Variants in RBFOX1 observed in about 807,000 individuals in gnomAD.
RBFOX1 encodes the protein RNA binding fox-1 homolog 1.
Under a neutral mutation model 57.7 loss-of-function variants are expected in RBFOX1, and 8 were observed. The observed-to-expected ratio is 0.14, with a 90% CI of 0.08 to 0.25. The LOEUF is 0.25. Among genes scored for constraint, RBFOX1 ranks in the 10% least tolerant of loss-of-function variants. The pLI is 1.00. For missense variants in RBFOX1, 611 were observed against 548.5 expected, an observed-to-expected ratio of 1.11 and a Z score of -1.14; for synonymous variants, 326 against 222.4, an observed-to-expected ratio of 1.47 and a Z score of -4.15.
At chr16:7,678,908 G>A (rs2074059286) in intron 14 of RBFOX1, among the ~76,000 whole-genome samples, 1 of 152,110 alleles carries the variant, frequency 6.6e-6, no homozygotes, top group South Asian at 2.1e-4. Flanking sequence ...TCCAACTTTA[G>A]TACCATAGTT....
chr16:6,499,692 C>G (rs1414650889), intron 2 of RBFOX1, among the ~76,000 whole-genome samples: 4 of 151,788 alleles, frequency 2.6e-5, no homozygotes, highest in African/African-American at 9.7e-5. Context: ...CCCCAGAGTC[C>G]TATGTTGGCT....
chr16:6,908,524 T>G (rs181165835), intron 3 of RBFOX1, among the ~76,000 whole-genome samples: 1 of 152,304 alleles, frequency 6.6e-6, no homozygotes, highest in East Asian at 1.9e-4. Context: ...ACAACTCACT[T>G]ATCAGGTTCA....
chr16:7,486,720 C>CTTG lies in RBFOX1; in HGVS notation c.28-31427_28-31426insTTG, dbSNP rs1255518270. The stretch of plus-strand genomic sequence containing the variant: ...CCATTTTGGAGCAGATGCTAAGAAG[C>CTTG]AAGTCATTCAGCTGAGGTCTAGGGG... On this transcript the variant is annotated intron_variant, in intron 4 of 15. Coordinates refer to ENST00000550418, the MANE Select transcript of RBFOX1 (RefSeq NM_018723.4). 5.3e-5 allele frequency among the ~76,000 whole-genome samples: 8 copies of CTTG among 152,226 alleles called. No individual in the cohort carries two copies. The East Asian group carries it at 1.6e-3, about 30-fold the overall frequency.
At chr16:7,482,152 G>A (rs762462480) in intron 4 of RBFOX1, among the ~76,000 whole-genome samples, 1 of 152,166 alleles carries the variant, frequency 6.6e-6, no homozygotes, top group African/African-American at 2.4e-5. Flanking sequence ...ATATTTTGTA[G>A]CATCTATTCC....
intron 1 of RBFOX1, among the ~76,000 whole-genome samples, chr16:5,384,417 A>G (rs974694934): frequency 2.0e-5 from 3 of 152,222 alleles, no homozygotes; most frequent in African/African-American, 7.2e-5. Flanking sequence ...TTAAGGCACT[A>G]ACTTCACCTT....
intron 2 of RBFOX1, among the ~76,000 whole-genome samples, chr16:5,523,893 C>T (rs1567191113): frequency 6.6e-6 from 1 of 152,186 alleles, no homozygotes; most frequent in Non-Finnish European, 1.5e-5. Flanking sequence ...TGTATCCATC[C>T]TGGTTCGGCT....
At chr16:7,571,329 G>C (rs1224434382) in intron 5 of RBFOX1, among the ~76,000 whole-genome samples, 1 of 152,248 alleles carries the variant, frequency 6.6e-6, no homozygotes, top group East Asian at 1.9e-4. Flanking sequence ...ACCCCAGGAG[G>C]GGGACAGAAT....
intron 3 of RBFOX1, among the ~76,000 whole-genome samples, chr16:7,045,573 C>T (rs1397061571): frequency 3.3e-5 from 5 of 152,026 alleles, no homozygotes; most frequent in South Asian, 2.1e-4. Flanking sequence ...CCTTCAGTGT[C>T]GTCATTGTGC....
At chr16:6,646,943 G>T (rs1022916177) in intron 2 of RBFOX1, among the ~76,000 whole-genome samples, 1 of 152,130 alleles carries the variant, frequency 6.6e-6, no homozygotes, top group African/African-American at 2.4e-5. Context: ...CCTAGGACTG[G>T]GCCTTACAGG....
At position 6,518,719 on chromosome 16, in the gene RBFOX1, G is replaced by GTCCA. The variant is rs968309542; in HGVS notation, c.-63-135869_-63-135866dup. ...TATGTATCTGTCCATCCGTCCGTCCGTCCATCCATCCATCCATCTATCTCT... is the reference window on the plus strand; with the variant it reads ...TATGTATCTGTCCATCCGTCCGTCCGTCCATCCATCCATCCATCCATCTATCTCT... On this transcript the variant is annotated intron_variant, in intron 2 of 15. Transcript: ENST00000550418. Among the ~76,000 whole-genome samples, 46 of 151,896 alleles carry GTCCA rather than the reference G, an allele frequency of 3.0e-4. No homozygotes were observed. In the East Asian group the frequency reaches 6.2e-3, roughly 20 times the overall value.
chr16:5,679,852 A>G (rs2050276075), intron 3 of RBFOX1, among the ~76,000 whole-genome samples: 1 of 152,148 alleles, frequency 6.6e-6, no homozygotes. Flanking sequence ...AGTTGTAGTG[A>G]GGCTTATATT....
At chr16:5,542,498 C>T (rs2045001439) in intron 2 of RBFOX1, among the ~76,000 whole-genome samples, 1 of 151,308 alleles carries the variant, frequency 6.6e-6, no homozygotes, top group African/African-American at 2.4e-5. Flanking sequence ...ACCTTGTGAT[C>T]CACCCGCCTC....
At chr16:6,751,156 C>G (rs1367683187) in intron 3 of RBFOX1, among the ~76,000 whole-genome samples, 1 of 152,072 alleles carries the variant, frequency 6.6e-6, no homozygotes, top group Non-Finnish European at 1.5e-5. Flanking sequence ...TTTTCATTTA[C>G]TTTACATTTT....
At chr16:7,399,970 T>C (rs2098213569) in intron 4 of RBFOX1, among the ~76,000 whole-genome samples, 2 of 152,220 alleles carry the variant, frequency 1.3e-5, no homozygotes, top group African/African-American at 2.4e-5. Context: ...ATTGTGCTAA[T>C]TGATAAAGGG....
chr16:7,268,711 G>C (rs956517445), intron 4 of RBFOX1, among the ~76,000 whole-genome samples: 1 of 151,992 alleles, frequency 6.6e-6, no homozygotes, highest in African/African-American at 2.4e-5. Context: ...GCCTCCTTGG[G>C]ACTAGCCTTT....
At chr16:6,247,860 G>T (rs1019410270) in intron 1 of RBFOX1, among the ~76,000 whole-genome samples, 6 of 152,172 alleles carry the variant, frequency 3.9e-5, no homozygotes, top group Non-Finnish European at 8.8e-5. Context: ...TCTGATGATA[G>T]GAAAGCAGTG....
At chr16:5,659,447 G>T (rs1213038592) in intron 3 of RBFOX1, among the ~76,000 whole-genome samples, 1 of 151,904 alleles carries the variant, frequency 6.6e-6, no homozygotes. Context: ...GGGACTACAG[G>T]TGCCCGCCAC....
At chr16:6,901,465 C>G (rs1396469116) in intron 3 of RBFOX1, among the ~76,000 whole-genome samples, 1 of 152,146 alleles carries the variant, frequency 6.6e-6, no homozygotes, top group African/African-American at 2.4e-5. Flanking sequence ...CTATGTCTGC[C>G]CCTACGACTC....
chr16:6,408,085 A>T (rs183856811), intron 2 of RBFOX1, among the ~76,000 whole-genome samples: 1 of 152,220 alleles, frequency 6.6e-6, no homozygotes, highest in African/African-American at 2.4e-5. Context: ...TCTATAAGAA[A>T]TGGGCCTTCA....
Sources: allele counts gnomAD v4.1 joint callset (sites outside exome capture counted in the v4.1 genomes callset), GRCh38; gene constraint gnomAD v4.1.1; transcripts MANE v1.5; gene names NCBI Gene and HGNC (gene_info 2026-07-23, HGNC 2026-07-21).